ZFYVE28: variants seen among roughly 807,000 people sequenced by gnomAD.
The protein encoded by ZFYVE28 is lateral signaling target protein 2 homolog.
In ZFYVE28, 40 loss-of-function variants were observed where a neutral mutation model predicts 82.1. That is an observed-to-expected ratio of 0.49 (90% confidence interval 0.38 to 0.63). The LOEUF (loss-of-function observed/expected upper bound fraction) is 0.63, where lower values mean the gene tolerates loss of function less well. ZFYVE28 is among the 30% of genes least tolerant of loss of function. The pLI, the probability that ZFYVE28 is intolerant of heterozygous loss-of-function variation, is 0.00. For missense variants in ZFYVE28, 1,321 were observed against 1,242.1 expected (o/e 1.06, Z -0.96); for synonymous variants, 612 against 546.1 (o/e 1.12, Z -1.68).
rs1715339018 is a variant in ZFYVE28, at chr4:2,300,460, A to G, written c.2051+3829T>C. On this transcript the variant is annotated intron_variant, in intron 8 of 12. Transcript: ENST00000290974. This position sits in a 1 kb window ranked among gnomAD's most constrained non-coding sequence, Gnocchi z 4.6. Reference sequence around the variant, plus strand: ...TAGGTTCCAGAACATTCACATCTGCAAGGCTGATTCACTGCTGTCTGTCGA... The same window carrying G: ...TAGGTTCCAGAACATTCACATCTGCGAGGCTGATTCACTGCTGTCTGTCGA... Among the ~76,000 whole-genome samples the G allele has an allele frequency of 6.6e-6, 1 of 152,202 alleles. No individual in the cohort carries two copies.
chr4:2,330,530 G>A (rs1720505338), intron 6 of ZFYVE28: 2 of 1,156,226 alleles, frequency 1.7e-6, no homozygotes, highest in Non-Finnish European at 1.1e-6. Context: ...ACATTGCAGA[G>A]GAAGGGACAG....
At chr4:2,377,246 C>T (rs1323960038) in intron 1 of ZFYVE28, among the ~76,000 whole-genome samples, 1 of 152,172 alleles carries the variant, frequency 6.6e-6, no homozygotes, top group Non-Finnish European at 1.5e-5. Context: ...TGGTCTCGAT[C>T]TCCTGACCTT....
intron 1 of ZFYVE28, among the ~76,000 whole-genome samples, chr4:2,387,448 C>A (rs6834034): frequency 0.035 from 5,350 of 152,336 alleles, 286 homozygotes; most frequent in African/African-American, 0.11. Context: ...CGTCCTTGTC[C>A]TCGTGCTGTG....
chr4:2,329,277 G>T, intron 6 of ZFYVE28: 1 of 443,338 alleles, frequency 2.3e-6, no homozygotes, highest in Non-Finnish European at 4.0e-6. Context: ...CTTTAATTAT[G>T]TCTTTAATTT....
In ZFYVE28 at chr4:2,339,034, G is replaced by A. The variant is rs998990343; in HGVS notation, c.521+419C>T. On this transcript the variant is annotated intron_variant, in intron 4 of 12. Coordinates refer to ENST00000290974, the MANE Select transcript of ZFYVE28 (RefSeq NM_020972.3). The surrounding 1 kb of genome is among the most constrained non-coding windows in gnomAD (Gnocchi z 5.0). ...TCACCGTGTTAGCCAGGATGGTCTC[G>A]ATCTTCTGACCTCATGATCCGCCTG... Among the ~76,000 whole-genome samples the A allele has an allele frequency of 4.6e-5, 7 of 152,198 alleles. No homozygotes were observed. The highest frequency in any genetic ancestry group is 1.9e-4 in the East Asian group (1 of 5,178).
chr4:2,355,988 G>A (rs1725256674), intron 1 of ZFYVE28, among the ~76,000 whole-genome samples: 1 of 152,228 alleles, frequency 6.6e-6, no homozygotes, highest in South Asian at 2.1e-4. Context: ...GTTCCCCACA[G>A]ACTCCCATCT....
chr4:2,298,061 TG>T (rs1714907921), intron 8 of ZFYVE28, among the ~76,000 whole-genome samples: 1 of 145,358 alleles, frequency 6.9e-6, no homozygotes, highest in South Asian at 2.2e-4. Context: ...CACGGCAGGC[TG>T]TGCTGTGAGG....
intron 1 of ZFYVE28, among the ~76,000 whole-genome samples, chr4:2,354,714 C>T (rs1724982348): frequency 6.6e-6 from 1 of 152,108 alleles, no homozygotes; most frequent in South Asian, 2.1e-4. Flanking sequence ...GCGCCTCAGC[C>T]TCCCAAAGTG....
At chr4:2,333,609 A>G in intron 6 of ZFYVE28, among the ~76,000 whole-genome samples, 1 of 152,090 alleles carries the variant, frequency 6.6e-6, no homozygotes, top group South Asian at 2.1e-4. Context: ...GCCAGGGCTC[A>G]CCGGCTCATT....
chr4:2,418,072 C>G lies in ZFYVE28; in HGVS notation c.39+213G>C, dbSNP rs1408390782. 6.6e-6 allele frequency among the ~76,000 whole-genome samples: 1 copy of G among 151,868 alleles called. No homozygotes were observed. ...CAGGAGGGTCAGTCCTGGACCCGGG[C>G]TTAGGAAGCCGGGAGGGAGGTTCGG... On this transcript the variant is annotated intron_variant, in intron 1 of 12. Transcript: ENST00000290974. This position sits in a 1 kb window ranked among gnomAD's most constrained non-coding sequence, Gnocchi z 4.6.
In ZFYVE28 at chr4:2,271,331, G is replaced by A; in HGVS notation, c.2512C>T (p.His838Tyr). Residue 838 changes from histidine to tyrosine, a missense_variant, in exon 12 of 13, where the codon CAC (histidine) becomes TAC (tyrosine). Transcript: ENST00000290974. The stretch of plus-strand genomic sequence containing the variant: ...CCCACCTTCCCACAGCTGCGGCAGT[G>A]GTGCTTCCGGCGGATGACGGTGAAG... ...APFTVIRRKH[H>Y]CRSCGKIFCS... is the part of the protein sequence containing the mutation. 6.2e-7 allele frequency: 1 copy of A among 1,612,966 alleles called. No homozygotes were observed. The highest frequency in any genetic ancestry group is 8.5e-7 in the Non-Finnish European group (1 of 1,179,960).
intron 2 of ZFYVE28, among the ~76,000 whole-genome samples, chr4:2,352,841 C>T (rs1490439364): frequency 6.6e-6 from 1 of 152,196 alleles, no homozygotes; most frequent in Non-Finnish European, 1.5e-5. Context: ...CAGAGCCCCT[C>T]CCCAAAGGTT....
chr4:2,345,510 C>T (rs902762934), intron 2 of ZFYVE28, among the ~76,000 whole-genome samples: 6 of 151,912 alleles, frequency 3.9e-5, no homozygotes, highest in Non-Finnish European at 7.4e-5. Context: ...GCAACTGAAA[C>T]TATCCCAACA....
intron 1 of ZFYVE28, among the ~76,000 whole-genome samples, chr4:2,399,032 G>GGGTGAGATCCAGGGCACAAGCGCGGA (rs1560338660): frequency 2.0e-5 from 1 of 50,346 alleles, no homozygotes; most frequent in Non-Finnish European, 4.8e-5. Context: ...GCACAAGGTG[G>GGGTGAGATCCAGGGCACAAGCGCGGA]GGTGAGATCC....
chr4:2,271,312 TTCC>T lies in ZFYVE28; in HGVS notation c.2528_2530del (p.Gly843_Lys844delinsGlu). The T allele has an allele frequency of 6.2e-7, 1 of 1,612,620 alleles. No individual in the cohort carries two copies. Among genetic ancestry groups the T allele is most frequent in the Non-Finnish European group, 8.5e-7 (1 of 1,179,782 alleles). ...CTCCGTGCAAGGGGTCTCACCCACC[TTCC>T]CACAGCTGCGGCAGTGGTGCTTCCG... On this transcript the variant is annotated inframe_deletion and splice_region_variant, in exon 12 of 13. Transcript: ENST00000290974.
chr4:2,335,343 GC>G lies in ZFYVE28; in HGVS notation c.701+361del, dbSNP rs1177093848. Reference sequence around the variant, plus strand: ...GTTACCACCAAGTCTGCCTCCCACAGCCCCTGCGTGGCCACTCTGTTCCGAG... The same window carrying G: ...GTTACCACCAAGTCTGCCTCCCACAGCCCTGCGTGGCCACTCTGTTCCGAG... On this transcript the variant is annotated intron_variant, in intron 6 of 12. Coordinates refer to ENST00000290974, the MANE Select transcript of ZFYVE28 (RefSeq NM_020972.3). This position sits in a 1 kb window ranked among gnomAD's most constrained non-coding sequence, Gnocchi z 5.8. Among the ~76,000 whole-genome samples the G allele has an allele frequency of 1.1e-4, 16 of 152,268 alleles. No homozygotes were observed. Among genetic ancestry groups the G allele is most frequent in the Middle Eastern group, 3.4e-3 (1 of 294 alleles).
chr4:2,347,352 T>C (rs1310686287), intron 2 of ZFYVE28, among the ~76,000 whole-genome samples: 1 of 152,140 alleles, frequency 6.6e-6, no homozygotes, highest in Non-Finnish European at 1.5e-5. Context: ...TGATAAGACA[T>C]AGAAAGTAAA....
intron 8 of ZFYVE28, among the ~76,000 whole-genome samples, chr4:2,299,235 C>G (rs1308312325): frequency 6.6e-6 from 1 of 152,132 alleles, no homozygotes; most frequent in Non-Finnish European, 1.5e-5. Flanking sequence ...CAGGCGCTAA[C>G]AGAACAACTG....
rs60251356 is a variant in ZFYVE28, at chr4:2,383,938, A to G, written c.40-29865T>C. 3.7e-3 allele frequency among the ~76,000 whole-genome samples: 567 copies of G among 152,340 alleles called. 4 individuals are homozygous for G. Among genetic ancestry groups the G allele is most frequent in the African/African-American group, 0.013 (531 of 41,568 alleles). Reference sequence around the variant, plus strand: ...GAAAATGAGGTCGTCACACAGGGTCATCACTCACAGTCTCTCTCAATGATG... The same window carrying G: ...GAAAATGAGGTCGTCACACAGGGTCGTCACTCACAGTCTCTCTCAATGATG... On this transcript the variant is annotated intron_variant, in intron 1 of 12. Transcript: ENST00000290974.
Sources: gnomAD v4.1 joint callset for allele counts (sites outside exome capture counted in the v4.1 genomes callset) on GRCh38, gnomAD v4.1.1 for gene constraint, Gnocchi (gnomAD v3.1) non-coding constraint, MANE v1.5 for transcripts, NCBI Gene and HGNC (gene_info 2026-07-23, HGNC 2026-07-21) for gene names.